Variants in MGAT4A observed in about 807,000 individuals in gnomAD.
MGAT4A encodes the protein alpha-1,3-mannosyl-glycoprotein 4-beta-N-acetylglucosaminyltransferase A, also known as N-acetylglucosaminyltransferase IVa.
MGAT4A carries 33 observed loss-of-function variants against 74.1 expected under a neutral mutation model. The observed-to-expected ratio is 0.45, with a 90% confidence interval of 0.34 to 0.60. The LOEUF (loss-of-function observed/expected upper bound fraction) is 0.60. Among genes scored for constraint, MGAT4A ranks in the 20% least tolerant of loss-of-function variants. MGAT4A has a pLI of 0.02. For synonymous variants in MGAT4A, 198 were observed against 210.4 expected (o/e 0.94, Z 0.51); for missense variants, 479 against 628.3 (o/e 0.76, Z 2.54).
intron 14 of MGAT4A, among the ~76,000 whole-genome samples, chr2:98,634,712 G>A (rs146157096): frequency 6.7e-6 from 1 of 149,040 alleles, no homozygotes; most frequent in African/African-American, 2.5e-5. Flanking sequence ...AGTCTTCAGG[G>A]TGCCTCCCAG....
chr2:98,668,489 G>A (rs2104278804), intron 4 of MGAT4A, among the ~76,000 whole-genome samples: 1 of 152,368 alleles, frequency 6.6e-6, no homozygotes, highest in Non-Finnish European at 1.5e-5. Context: ...GGATATGCCT[G>A]GATGCTCAGT....
chr2:98,693,907 A>G (rs1202377911), intron 2 of MGAT4A, among the ~76,000 whole-genome samples: 1 of 152,224 alleles, frequency 6.6e-6, no homozygotes, highest in South Asian at 2.1e-4. Flanking sequence ...GGAACACACA[A>G]GAAGTCAGGA....
chr2:98,668,817 ACGTGAGACATGGAGT>A (rs1701873490), intron 4 of MGAT4A, among the ~76,000 whole-genome samples: 1 of 152,250 alleles, frequency 6.6e-6, no homozygotes, highest in Non-Finnish European at 1.5e-5. Flanking sequence ...TGTGACCTGG[ACGTGAGACATGGAGT>A]CAAAAGAAAT....
In MGAT4A at chr2:98,619,932, A is replaced by G. The variant is rs1420073148; in HGVS notation, c.*5634T>C. 1 of 152,216 alleles carries G rather than the reference A, an allele frequency of 6.6e-6. No individual in the cohort carries two copies. Among genetic ancestry groups the G allele is most frequent in the African/African-American group, 2.4e-5 (1 of 41,456 alleles). The allele number at this position is 152,216 out of a possible 1,614,324, so 9.4% of individuals were successfully genotyped here. ...TTCCACAATTTTGACTGCAACATTA[A>G]CAGTGGGAATGTTACTTCGCGCAAA... On this transcript the variant is annotated 3_prime_UTR_variant, in exon 16 of 16. Coordinates refer to ENST00000393487, the MANE Select transcript of MGAT4A (RefSeq NM_012214.3).
In MGAT4A at chr2:98,624,883, T is replaced by C. The variant is rs1352302640; in HGVS notation, c.*683A>G. On this transcript the variant is annotated 3_prime_UTR_variant, in exon 16 of 16. Coordinates refer to ENST00000393487, the MANE Select transcript of MGAT4A (RefSeq NM_012214.3). ...TGGCTTTAAGGAATGACAAATGTCTTTGAAAATATTTTGTTCAGTCACTGT... is the reference window on the plus strand; with the variant it reads ...TGGCTTTAAGGAATGACAAATGTCTCTGAAAATATTTTGTTCAGTCACTGT... 1.0e-6 allele frequency: 1 copy of C among 984,558 alleles called. No homozygotes were observed. The highest frequency in any genetic ancestry group is 4.7e-5 in the South Asian group (1 of 21,256). 61.0% of individuals were successfully genotyped at this position (984,558 alleles called of 1,614,324 possible). A position where few individuals can be genotyped will look rare whatever the true frequency, so the allele number is the denominator to read the frequency against.
In MGAT4A at chr2:98,623,046, AAG is replaced by A; in HGVS notation, c.*2518_*2519del. 1 of 985,606 alleles carries A rather than the reference AAG, an allele frequency of 1.0e-6. No individual in the cohort carries two copies. The highest frequency in any genetic ancestry group is 1.2e-6 in the Non-Finnish European group (1 of 830,168). 61.1% of individuals were successfully genotyped at this position (985,606 alleles called of 1,614,324 possible). A position where few individuals can be genotyped will look rare whatever the true frequency, so the allele number is the denominator to read the frequency against. On this transcript the variant is annotated 3_prime_UTR_variant, in exon 16 of 16. Coordinates refer to ENST00000393487, the MANE Select transcript of MGAT4A (RefSeq NM_012214.3). ...AATAATACAAAATGATAAAAAGAGA[AAG>A]AGGAGGGCAGGCTGGAATAATTGGT...
intron 13 of MGAT4A, among the ~76,000 whole-genome samples, chr2:98,635,917 G>C (rs1701311853): frequency 1.3e-5 from 2 of 151,526 alleles, no homozygotes; most frequent in African/African-American, 2.4e-5. Context: ...GAACCTGGGA[G>C]GCAGAGGTTG....
chr2:98,668,081 TAAAAA>T (rs1701863220), intron 4 of MGAT4A, among the ~76,000 whole-genome samples: 1 of 152,116 alleles, frequency 6.6e-6, no homozygotes, highest in Non-Finnish European at 1.5e-5. Context: ...GACAATGTGA[TAAAAA>T]AGAAAATCCC....
At chr2:98,712,857 G>C (rs1702536575) in intron 2 of MGAT4A, among the ~76,000 whole-genome samples, 1 of 152,196 alleles carries the variant, frequency 6.6e-6, no homozygotes, top group Admixed American at 6.5e-5. Flanking sequence ...ACAGAACAGA[G>C]CTTCTTAAAA....
chr2:98,632,123 A>C (rs1161504530), intron 14 of MGAT4A, among the ~76,000 whole-genome samples: 2 of 151,864 alleles, frequency 1.3e-5, no homozygotes, highest in Non-Finnish European at 2.9e-5. Flanking sequence ...TAAATAAATA[A>C]ATAAATAAAT....
At chr2:98,712,726 A>T (rs1436440009) in intron 2 of MGAT4A, among the ~76,000 whole-genome samples, 5 of 152,246 alleles carry the variant, frequency 3.3e-5, no homozygotes, top group African/African-American at 1.2e-4. Context: ...TCAACTGTGG[A>T]GGGAAGACAA....
At chr2:98,649,828 T>C (rs951823087) in intron 8 of MGAT4A, among the ~76,000 whole-genome samples, 4 of 151,722 alleles carry the variant, frequency 2.6e-5, no homozygotes, top group African/African-American at 9.7e-5. Context: ...CTGGGAGAGG[T>C]GGCTGATTTT....
chr2:98,622,436 GT>G lies in MGAT4A; in HGVS notation c.*3129del, dbSNP rs1701075259. ...CCCCATGTGTCTACTGGCTATATGT[GT>G]TTTTAAAACTAGTCCCAACCTTTGA... On this transcript the variant is annotated 3_prime_UTR_variant, in exon 16 of 16. Coordinates refer to ENST00000393487, the MANE Select transcript of MGAT4A (RefSeq NM_012214.3). 1 of 985,302 alleles carries G rather than the reference GT, an allele frequency of 1.0e-6. No homozygotes were observed. Among genetic ancestry groups the G allele is most frequent in the African/African-American group, 1.7e-5 (1 of 57,238 alleles). The allele number at this position is 985,302 out of a possible 1,614,324, so 61.0% of individuals were successfully genotyped here. A position where few individuals can be genotyped will look rare whatever the true frequency, so the allele number is the denominator to read the frequency against.
chr2:98,681,515 A>AAC (rs1702059479), intron 2 of MGAT4A, among the ~76,000 whole-genome samples: 1 of 152,166 alleles, frequency 6.6e-6, no homozygotes, highest in Non-Finnish European at 1.5e-5. Flanking sequence ...GATCAGCATA[A>AAC]ACACAGTGTC....
At chr2:98,725,743 C>T (rs2104339610) in intron 2 of MGAT4A, among the ~76,000 whole-genome samples, 1 of 152,216 alleles carries the variant, frequency 6.6e-6, no homozygotes, top group South Asian at 2.1e-4. Context: ...CTTATCCCTT[C>T]TTAAATACTT....
chr2:98,710,898 G>A (rs1012500656), intron 2 of MGAT4A, among the ~76,000 whole-genome samples: 1 of 152,078 alleles, frequency 6.6e-6, no homozygotes, highest in South Asian at 2.1e-4. Context: ...AGGAAGTTCT[G>A]TGCAAACCCA....
At chr2:98,690,504 G>A (rs1443144958) in intron 2 of MGAT4A, among the ~76,000 whole-genome samples, 1 of 152,068 alleles carries the variant, frequency 6.6e-6, no homozygotes, top group African/African-American at 2.4e-5. Flanking sequence ...GGCACAGCCC[G>A]TACCCTCCCA....
At chr2:98,697,714 A>C (rs943715045) in intron 2 of MGAT4A, among the ~76,000 whole-genome samples, 2 of 152,216 alleles carry the variant, frequency 1.3e-5, no homozygotes, top group African/African-American at 4.8e-5. Flanking sequence ...CGAACAAATA[A>C]TTATTATTAA....
chr2:98,696,976 T>C (rs538763946), intron 2 of MGAT4A, among the ~76,000 whole-genome samples: 1 of 152,314 alleles, frequency 6.6e-6, no homozygotes, highest in African/African-American at 2.4e-5. Flanking sequence ...CCTGGAAATG[T>C]ACAGAATTGG....
Sources: gnomAD v4.1 joint callset for allele counts (sites outside exome capture counted in the v4.1 genomes callset) on GRCh38, gnomAD v4.1.1 for gene constraint, MANE v1.5 for transcripts, NCBI Gene and HGNC (gene_info 2026-07-23, HGNC 2026-07-21) for gene names.